PRLR: variants seen among roughly 807,000 people sequenced by gnomAD.
The protein encoded by PRLR is prolactin receptor, also known as hPRL receptor.
In PRLR, 13 loss-of-function variants were observed where a neutral mutation model predicts 40.2. That is an observed-to-expected ratio of 0.32 (90% CI 0.21 to 0.51). The LOEUF (loss-of-function observed/expected upper bound fraction) is 0.51. Among genes scored for constraint, PRLR ranks in the 20% least tolerant of loss-of-function variants. The probability of loss-of-function intolerance (pLI) is 0.97; values close to 1 mark genes in which losing one functional copy is unlikely to be tolerated. For synonymous variants in PRLR, 269 were observed against 278.7 expected (o/e 0.97, Z 0.35); for missense variants, 656 against 747.3 (o/e 0.88, Z 1.42).
At chr5:35,154,973 A>G (rs1774444691) in intron 1 of PRLR, among the ~76,000 whole-genome samples, 1 of 147,950 alleles carries the variant, frequency 6.8e-6, no homozygotes, top group East Asian at 2.1e-4. Flanking sequence ...ACCAACACAC[A>G]CTGGAGCCTG....
chr5:35,086,560 G>GGTGTGTGTGT (rs113256007), intron 3 of PRLR, among the ~76,000 whole-genome samples: 179 of 148,186 alleles, frequency 1.2e-3, no homozygotes, highest in African/African-American at 3.5e-3. Flanking sequence ...GCATTTTGCT[G>GGTGTGTGTGT]GTGTGTGTGT....
intron 1 of PRLR, among the ~76,000 whole-genome samples, chr5:35,223,999 C>T (rs1776487296): frequency 6.6e-6 from 1 of 152,156 alleles, no homozygotes; most frequent in Non-Finnish European, 1.5e-5. Context: ...TTAAAGAACT[C>T]CAGATGGCCT....
intron 2 of PRLR, among the ~76,000 whole-genome samples, chr5:35,108,117 C>T (rs1772393797): frequency 6.6e-6 from 1 of 152,110 alleles, no homozygotes; most frequent in Non-Finnish European, 1.5e-5. Flanking sequence ...GAACCAACAA[C>T]AAAAACCACA....
intron 1 of PRLR, among the ~76,000 whole-genome samples, chr5:35,194,084 G>A (rs143915930): frequency 2.0e-5 from 3 of 152,274 alleles, no homozygotes; most frequent in Admixed American, 2.0e-4. Flanking sequence ...GGCATGGAGG[G>A]TTCAAATAAG....
chr5:35,203,543 C>T (rs1015115778), intron 1 of PRLR, among the ~76,000 whole-genome samples: 2 of 152,088 alleles, frequency 1.3e-5, no homozygotes, highest in Non-Finnish European at 2.9e-5. Flanking sequence ...GAACTTTGGA[C>T]CCAATGTCAT....
chr5:35,150,044 C>G (rs1227316460), intron 1 of PRLR, among the ~76,000 whole-genome samples: 2 of 152,132 alleles, frequency 1.3e-5, no homozygotes, highest in Non-Finnish European at 2.9e-5. Flanking sequence ...GCCACGACGC[C>G]CAGCTAATTT....
chr5:35,226,585 T>A (rs1224212906), intron 1 of PRLR, among the ~76,000 whole-genome samples: 1 of 152,194 alleles, frequency 6.6e-6, no homozygotes, highest in African/African-American at 2.4e-5. Flanking sequence ...AAGAACTTTC[T>A]CTTGAGAGTT....
intron 2 of PRLR, among the ~76,000 whole-genome samples, chr5:35,093,531 A>T (rs192656858): frequency 6.6e-6 from 1 of 152,132 alleles, no homozygotes; most frequent in East Asian, 1.9e-4. Context: ...CAGGTTTTTG[A>T]CTCAGTTTTC....
In PRLR at chr5:35,064,973, A is replaced by G. The variant is rs1769261011; in HGVS notation, c.*116T>C. On this transcript the variant is annotated 3_prime_UTR_variant, in exon 10 of 10. Coordinates refer to ENST00000618457, the MANE Select transcript of PRLR (RefSeq NM_000949.7). ...CAAGTGGTTAAAAATGGAGCATGAA[A>G]GGAGCTGGGAGCTTTAGTAGTGTCA... The G allele has an allele frequency of 1.1e-5, 13 of 1,170,466 alleles. No homozygotes were observed. In the South Asian group the frequency reaches 1.8e-4, roughly 17 times the overall value. 72.5% of individuals were successfully genotyped at this position (1,170,466 alleles called of 1,614,324 possible). A position where few individuals can be genotyped will look rare whatever the true frequency, so the allele number is the denominator to read the frequency against.
At chr5:35,154,897 A>C (rs1431677349) in intron 1 of PRLR, among the ~76,000 whole-genome samples, 1 of 152,154 alleles carries the variant, frequency 6.6e-6, no homozygotes, top group Non-Finnish European at 1.5e-5. Flanking sequence ...ACAGAAAACC[A>C]AACACTACAT....
chr5:35,202,312 C>T (rs1018498884), intron 1 of PRLR, among the ~76,000 whole-genome samples: 1 of 152,202 alleles, frequency 6.6e-6, no homozygotes, highest in African/African-American at 2.4e-5. Context: ...CTACCTGATT[C>T]ACGGATCAAA....
intron 1 of PRLR, among the ~76,000 whole-genome samples, chr5:35,171,912 C>CA (rs906327422): frequency 5.9e-5 from 9 of 151,826 alleles, no homozygotes; most frequent in African/African-American, 2.2e-4. Flanking sequence ...TTTTGTGATG[C>CA]AAAAAAGTCT....
intron 1 of PRLR, among the ~76,000 whole-genome samples, chr5:35,173,985 C>T (rs1775072439): frequency 6.6e-6 from 1 of 152,094 alleles, no homozygotes; most frequent in Non-Finnish European, 1.5e-5. Context: ...CTCCTCCTTC[C>T]CCCCACCCCA....
At chr5:35,227,259 C>G (rs964913012) in intron 1 of PRLR, among the ~76,000 whole-genome samples, 1 of 152,182 alleles carries the variant, frequency 6.6e-6, no homozygotes, top group Non-Finnish European at 1.5e-5. Context: ...TTAGAAGAAT[C>G]TTAATCCGGT....
At chr5:35,134,193 A>T (rs1157318624) in intron 1 of PRLR, among the ~76,000 whole-genome samples, 2 of 152,192 alleles carry the variant, frequency 1.3e-5, no homozygotes, top group Admixed American at 6.5e-5. Flanking sequence ...AAAAAAATAA[A>T]CAACAAACAA....
chr5:35,165,466 C>T (rs1337512845), intron 1 of PRLR, among the ~76,000 whole-genome samples: 4 of 152,184 alleles, frequency 2.6e-5, no homozygotes, highest in Non-Finnish European at 4.4e-5. Flanking sequence ...TCTTCTTTTA[C>T]ACAAAGGTTC....
At chr5:35,173,292 C>A (rs2111951759) in intron 1 of PRLR, among the ~76,000 whole-genome samples, 1 of 152,288 alleles carries the variant, frequency 6.6e-6, no homozygotes, top group South Asian at 2.1e-4. Flanking sequence ...GAGCCTCTTA[C>A]AATTTAGAAA....
chr5:35,220,171 C>T (rs1164514679), intron 1 of PRLR, among the ~76,000 whole-genome samples: 2 of 152,176 alleles, frequency 1.3e-5, no homozygotes, highest in African/African-American at 4.8e-5. Context: ...TGCTGAAAAC[C>T]TCCCAATGAG....
At chr5:35,097,658 C>T (rs1451533292) in intron 2 of PRLR, among the ~76,000 whole-genome samples, 1 of 152,158 alleles carries the variant, frequency 6.6e-6, no homozygotes, top group East Asian at 1.9e-4. Flanking sequence ...TCTAAGGCAG[C>T]CCTCTTCCTA....
Sources: gnomAD v4.1 joint callset for allele counts (sites outside exome capture counted in the v4.1 genomes callset) on GRCh38, gnomAD v4.1.1 for gene constraint, MANE v1.5 for transcripts, NCBI Gene and HGNC (gene_info 2026-07-23, HGNC 2026-07-21) for gene names.